The following AKAP4 variants were observed in gnomAD, a reference collection of about 807,000 sequenced individuals.
AKAP4 encodes the protein A-kinase anchoring protein 4, also known as A-kinase anchor protein 4.
A neutral mutation model predicts 42.6 loss-of-function variants in AKAP4; 4 were observed. The observed-to-expected ratio is 0.09, with a 90% CI of 0.05 to 0.22. The LOEUF is 0.22. Ranked by LOEUF, AKAP4 falls within the 10% of genes least tolerant of loss-of-function variation. The pLI, the probability that AKAP4 is intolerant of heterozygous loss-of-function variation, is 1.00. For synonymous variants in AKAP4, 223 were observed against 233.0 expected, an observed-to-expected ratio of 0.96 and a Z score of 0.39; for missense variants, 551 against 630.7, an observed-to-expected ratio of 0.87 and a Z score of 1.35.
chrX:50,194,149 A>G lies in AKAP4; in HGVS notation c.564T>C (p.Asn188=). 1 of 1,211,404 alleles carries G rather than the reference A, an allele frequency of 8.3e-7. No individual in the cohort carries two copies. The highest frequency in any genetic ancestry group is 1.1e-6 in the Non-Finnish European group (1 of 895,396). Residue 188 remains asparagine, a synonymous_variant, in exon 5 of 6, where the codon AAT becomes AAC. Coordinates refer to ENST00000358526, the MANE Select transcript of AKAP4 (RefSeq NM_003886.3). ...TGGCTGGAGGAGCTGAAGGACTTTG[A>G]TTATTGTTGGTGTTTTTAGCTGCTG... ...EMTAAKNTNN[N]QSPSAPPAKP...
Position 50,194,152 on chromosome X carries a change from A to G in AKAP4, c.561T>C (p.Asn187=), listed in dbSNP as rs1479381079. 9.9e-6 allele frequency: 12 copies of G among 1,209,521 alleles called. No individual in the cohort carries two copies. Among genetic ancestry groups the G allele is most frequent in the African/African-American group, 1.8e-5 (1 of 56,984 alleles). The change falls in exon 5 of 6, where the codon AAT becomes AAC. Residue 187 remains asparagine (N), a synonymous_variant. Transcript: ENST00000358526. ...LEMTAAKNTN[N]NQSPSAPPAK... ...CTGGAGGAGCTGAAGGACTTTGATTATTGTTGGTGTTTTTAGCTGCTGTCA... is the reference window on the plus strand; with the variant it reads ...CTGGAGGAGCTGAAGGACTTTGATTGTTGTTGGTGTTTTTAGCTGCTGTCA...
At chrX:50,199,442 T>C (rs1557204656) in intron 1 of AKAP4, among the ~76,000 whole-genome samples, 2 of 108,135 alleles carry the variant, frequency 1.8e-5, no homozygotes, top group African/African-American at 6.8e-5. Context: ...CCTGATCCAA[T>C]AGGATCAAGT....
At chrX:50,197,686 A>T (rs1935209634) in intron 2 of AKAP4, 92 bp from the exon 3 acceptor site, 2 of 814,388 alleles carry the variant, frequency 2.5e-6, no homozygotes, top group African/African-American at 4.0e-5. Flanking sequence ...CCTACCTCAG[A>T]GGGTTCTTGT....
chrX:50,196,911 C>G lies in AKAP4; in HGVS notation c.256G>C (p.Glu86Gln), dbSNP rs1941586197. 8.3e-7 allele frequency: 1 copy of G among 1,206,062 alleles called. No individual in the cohort carries two copies. The highest frequency in any genetic ancestry group is 1.8e-5 in the African/African-American group (1 of 56,997). The change falls in exon 4 of 6, where the codon GAG becomes CAG. Residue 86 changes from glutamate (E) to glutamine (Q), a missense_variant. By Grantham distance (29) the Glu-to-Gln change is conservative. Coordinates refer to ENST00000358526, the MANE Select transcript of AKAP4 (RefSeq NM_003886.3). ...EKEIIVIKDT[E>Q]KKDQSKTEGS... ...TGTACCTTAGACTGGTCTTTCTTCTCAGTGTCCTTGATCACGATAATCTCT... is the reference window on the plus strand; with the variant it reads ...TGTACCTTAGACTGGTCTTTCTTCTGAGTGTCCTTGATCACGATAATCTCT...
At chrX:50,194,740 A>G (rs1935168939) in intron 4 of AKAP4, among the ~76,000 whole-genome samples, 1 of 111,141 alleles carries the variant, frequency 9.0e-6, no homozygotes, top group South Asian at 3.8e-4. Context: ...ATATGCATGG[A>G]AATATAGCAG....
Position 50,192,640 on chromosome X carries a change from T to C in AKAP4, c.2073A>G (p.Gln691=). Residue 691 remains glutamine, a synonymous_variant, in exon 5 of 6, where the codon CAA becomes CAG. Transcript: ENST00000358526. ...QELDCTSGMK[Q]ANGQFIDKLV... ...GTTTATCTATAAATTGCCCGTTCGC[T>C]TGCTTCATCCCACTGGTACAGTCAA... 8.3e-7 allele frequency: 1 copy of C among 1,211,737 alleles called. No individual in the cohort carries two copies. The highest frequency in any genetic ancestry group is 1.1e-6 in the Non-Finnish European group (1 of 895,583).
Position 50,194,349 on chromosome X carries a change from C to A in AKAP4, c.364G>T (p.Ala122Ser), listed in dbSNP as rs1431213419. The A allele has an allele frequency of 9.1e-6, 11 of 1,209,553 alleles. No individual in the cohort carries two copies. The highest frequency in any genetic ancestry group is 1.0e-5 in the Non-Finnish European group (9 of 894,919). ...CTCAGTGCATGTTGGAAACCCAAGG[C>A]ATACTTCTGGAGATCACTGAGAAGC... ...NWLLSDLQKY[A>S]LGFQHALSPS... Residue 122 changes from alanine to serine, a missense_variant, in exon 5 of 6, where the codon GCC becomes TCC. Coordinates refer to ENST00000358526, the MANE Select transcript of AKAP4 (RefSeq NM_003886.3).
At chrX:50,192,211 T>G in intron 5 of AKAP4, 93 bp downstream of exon 5, 1 of 817,938 alleles carries the variant, frequency 1.2e-6, no homozygotes, top group East Asian at 3.5e-5. Context: ...AGAATAGACT[T>G]GAAACTCGAA....
chrX:50,191,619 GGTGTGTGTGTGTGT>G (rs34737063), intron 5 of AKAP4, among the ~76,000 whole-genome samples: 26 of 85,782 alleles, frequency 3.0e-4, no homozygotes, highest in African/African-American at 1.1e-3. Flanking sequence ...CTGTCAGATA[GGTGTGTGTGTGTGT>G]GTGTGTGTGT....
intron 3 of AKAP4, 31 bp from the exon 4 acceptor site, chrX:50,197,023 A>G: frequency 2.8e-6 from 3 of 1,065,490 alleles, no homozygotes; most frequent in East Asian, 6.0e-5. Context: ...ATTCTTAAAC[A>G]GTTACTTTTG....
At chrX:50,200,745 G>T in intron 1 of AKAP4, 118 bp downstream of exon 1, 2 of 650,614 alleles carry the variant, frequency 3.1e-6, no homozygotes, top group South Asian at 2.8e-5. Flanking sequence ...TCTTTTCTGG[G>T]TATCCCAAAT....
At chrX:50,199,136 C>T (rs782617176) in intron 1 of AKAP4, among the ~76,000 whole-genome samples, 18 of 110,771 alleles carry the variant, frequency 1.6e-4, no homozygotes, top group Non-Finnish European at 2.6e-4. Context: ...TTTACCCCCT[C>T]GAGTACCTTC....
intron 1 of AKAP4, among the ~76,000 whole-genome samples, chrX:50,200,580 C>G (rs1213005592): frequency 8.9e-6 from 1 of 112,510 alleles, no homozygotes; most frequent in African/African-American, 3.2e-5. Context: ...ATTTTTCTCA[C>G]ATTTTCTCTG....
intron 1 of AKAP4, chrX:50,200,149 T>C (rs1021151306): frequency 1.2e-5 from 8 of 683,102 alleles, no homozygotes; most frequent in Non-Finnish European, 1.4e-5. Flanking sequence ...GGTGGAGGCA[T>C]AGAGTCCCTC....
At position 50,192,656 on chromosome X, in the gene AKAP4, G is replaced by C. The variant is rs1302394343; in HGVS notation, c.2057C>G (p.Thr686Ser). 1 of 1,211,384 alleles carries C rather than the reference G, an allele frequency of 8.3e-7. No homozygotes were observed. Residue 686 changes from threonine to serine, a missense_variant, in exon 5 of 6, where the codon ACC (threonine) becomes AGC (serine). By Grantham distance (58) the Thr-to-Ser change is moderately conservative. Transcript: ENST00000358526. Reference protein sequence around the residue: ...QCQEHQELDCTSGMKQANGQF... With the variant: ...QCQEHQELDCSSGMKQANGQF... ...CCCGTTCGCTTGCTTCATCCCACTG[G>C]TACAGTCAAGTTCTTGATGCTCCTG...
At position 50,193,164 on chromosome X, in the gene AKAP4, T is replaced by G; in HGVS notation, c.1549A>C (p.Lys517Gln). 1 of 1,210,408 alleles carries G rather than the reference T, an allele frequency of 8.3e-7. No individual in the cohort carries two copies. The highest frequency in any genetic ancestry group is 1.1e-6 in the Non-Finnish European group (1 of 895,323). Reference protein sequence around the residue: ...IWNQKQGNSCKVATKACSNKD... With the variant: ...IWNQKQGNSCQVATKACSNKD... ...TTGCTGCATGCTTTGGTAGCCACCTTGCATGAGTTTCCTTGCTTTTGGTTC... is the reference window on the plus strand; with the variant it reads ...TTGCTGCATGCTTTGGTAGCCACCTGGCATGAGTTTCCTTGCTTTTGGTTC... The change falls in exon 5 of 6, where the codon AAG (lysine) becomes CAG (glutamine). Residue 517 changes from lysine to glutamine, a missense_variant. Coordinates refer to ENST00000358526, the MANE Select transcript of AKAP4 (RefSeq NM_003886.3).
chrX:50,197,515 G>A (rs370559837), intron 3 of AKAP4, 29 bp downstream of exon 3: 9 of 1,164,133 alleles, frequency 7.7e-6, no homozygotes, highest in African/African-American at 7.3e-5. Context: ...GCTTCCCACC[G>A]ATTCTGACTC....
chrX:50,192,687 G>T lies in AKAP4; in HGVS notation c.2026C>A (p.Gln676Lys). ...TCAAGTTCTTGATGCTCCTGGCATT[G>T]TTCTTCCGCTTTGTCAGATCTGTTG... is the stretch of plus-strand genomic sequence containing the variant. ...MSNRSDKAEE[Q>K]CQEHQELDCT... The change falls in exon 5 of 6, where the codon CAA becomes AAA. Residue 676 changes from glutamine to lysine, a missense_variant. Transcript: ENST00000358526. 2 of 1,211,823 alleles carry T rather than the reference G, an allele frequency of 1.7e-6. No individual in the cohort carries two copies. Among genetic ancestry groups the T allele is most frequent in the Non-Finnish European group, 2.2e-6 (2 of 895,581 alleles).
At chrX:50,191,917 A>G (rs924044102) in intron 5 of AKAP4, among the ~76,000 whole-genome samples, 2 of 111,255 alleles carry the variant, frequency 1.8e-5, no homozygotes, top group African/African-American at 6.5e-5. Context: ...AAATTAGTCC[A>G]TGATACTTCC....
Sources: gnomAD v4.1 joint callset for allele counts (sites outside exome capture counted in the v4.1 genomes callset) on GRCh38, gnomAD v4.1.1 for gene constraint, MANE v1.5 for transcripts, NCBI Gene and HGNC (gene_info 2026-07-23, HGNC 2026-07-21) for gene names.